DHX8: variants seen among roughly 807,000 people sequenced by gnomAD.
DHX8 encodes DEAH-box helicase 8.
Under a neutral mutation model 140.7 loss-of-function variants are expected in DHX8, and 67 were observed. The observed-to-expected ratio is 0.48, with a 90% CI of 0.39 to 0.58. The LOEUF (loss-of-function observed/expected upper bound fraction) is 0.58. Ranked by LOEUF, DHX8 falls within the 20% of genes least tolerant of loss-of-function variation. The pLI, the probability that DHX8 is intolerant of heterozygous loss-of-function variation, is 0.00. For missense variants in DHX8, 887 were observed against 1,550.7 expected (o/e 0.57, Z 7.19); for synonymous variants, 533 against 553.2 (o/e 0.96, Z 0.51).
At position 43,533,752 on chromosome 17, in the gene DHX8, T is replaced by G. The variant is rs918854079; in HGVS notation, c.351-2660T>G. On this transcript the variant is annotated intron_variant, in intron 2 of 3. Transcript: ENST00000589898. Reference sequence around the variant, plus strand: ...CTTACAAGTGCTAGAAAATCCTTTCTGTTGTCTAACTTGCATCTCAGCTGC... The same window carrying G: ...CTTACAAGTGCTAGAAAATCCTTTCGGTTGTCTAACTTGCATCTCAGCTGC... 29 of 1,416,280 alleles carry G rather than the reference T, an allele frequency of 2.0e-5. No homozygotes were observed. In the East Asian group the frequency reaches 7.1e-4, roughly 35 times the overall value. The allele number at this position is 1,416,280 out of a possible 1,614,324, so 87.7% of individuals were successfully genotyped here.
At chr17:43,484,862 C>T (rs985429628) in intron 1 of DHX8, among the ~76,000 whole-genome samples, 7 of 152,124 alleles carry the variant, frequency 4.6e-5, no homozygotes, top group African/African-American at 1.7e-4. Flanking sequence ...AGGCTGGTCT[C>T]GAACTTCTGG....
downstream of DHX8, among the ~76,000 whole-genome samples, chr17:43,527,582 G>A (rs1970653802): frequency 6.6e-6 from 1 of 152,256 alleles, no homozygotes; most frequent in African/African-American, 2.4e-5. Flanking sequence ...AGTGCACAAG[G>A]GGCGCCTGTC....
intron 21 of DHX8, 27 bp downstream of exon 21, chr17:43,521,592 T>A: frequency 6.3e-7 from 1 of 1,594,460 alleles, no homozygotes; most frequent in South Asian, 1.1e-5. Flanking sequence ...TGACTCTGCA[T>A]GTTTGAGTTG....
chr17:43,494,440 CGTT>C (rs1488749064), intron 8 of DHX8, among the ~76,000 whole-genome samples: 1 of 151,968 alleles, frequency 6.6e-6, no homozygotes, highest in Non-Finnish European at 1.5e-5. Context: ...AGGTGAAAGT[CGTT>C]GGGCGTGATG....
intron 3 of DHX8, among the ~76,000 whole-genome samples, chr17:43,539,146 A>C (rs1166836092): frequency 6.6e-6 from 1 of 152,170 alleles, no homozygotes; most frequent in Non-Finnish European, 1.5e-5. Flanking sequence ...TATTTAAAGC[A>C]TGAAATCCAA....
Position 43,525,168 on chromosome 17 carries a change from G to A in DHX8, c.*1321G>A, listed in dbSNP as rs113470769. ...AGGTTTCGGAACTTACGGAAAGCTG[G>A]TCTGGATGTAGTGCTTGTAGAGAAG... On this transcript the variant is annotated 3_prime_UTR_variant, in exon 23 of 23. Transcript: ENST00000262415. 6.7e-5 allele frequency: 66 copies of A among 985,444 alleles called. 1 individual carries two copies. In the African/African-American group the frequency reaches 9.6e-4, roughly 14 times the overall value. 61.0% of individuals were successfully genotyped at this position (985,444 alleles called of 1,614,324 possible).
At chr17:43,517,466 G>A (rs940687080) in intron 18 of DHX8, 144 bp downstream of exon 18, 2 of 927,420 alleles carry the variant, frequency 2.2e-6, no homozygotes, top group Non-Finnish European at 1.6e-6. Context: ...AAATGGCTGT[G>A]ATAACAGCCT....
intron 9 of DHX8, among the ~76,000 whole-genome samples, chr17:43,496,957 G>T (rs1429965445): frequency 6.6e-6 from 1 of 152,076 alleles, no homozygotes; most frequent in Non-Finnish European, 1.5e-5. Flanking sequence ...GAAATCTTAT[G>T]ATAGAATTCT....
At chr17:43,502,964 C>A (rs1327582447) in intron 11 of DHX8, among the ~76,000 whole-genome samples, 1 of 152,118 alleles carries the variant, frequency 6.6e-6, no homozygotes, top group Non-Finnish European at 1.5e-5. Flanking sequence ...TCGTAGCCAG[C>A]TTTTGGCATC....
At chr17:43,538,413 C>T (rs1971353716) in intron 3 of DHX8, among the ~76,000 whole-genome samples, 1 of 152,188 alleles carries the variant, frequency 6.6e-6, no homozygotes, top group Non-Finnish European at 1.5e-5. Context: ...ACATAGGTGC[C>T]TCATCCCCTT....
chr17:43,497,343 C>G (rs1968924024), intron 9 of DHX8, among the ~76,000 whole-genome samples: 1 of 151,970 alleles, frequency 6.6e-6, no homozygotes, highest in African/African-American at 2.4e-5. Flanking sequence ...TTTTGATGGA[C>G]ATATGAGTTG....
At chr17:43,518,856 C>G (rs1970241733) in intron 18 of DHX8, 1 of 152,122 alleles carries the variant, frequency 6.6e-6, no homozygotes, top group Non-Finnish European at 1.5e-5. Flanking sequence ...ATACAATATT[C>G]TTTTGTATCT....
intron 1 of DHX8, 75 bp from the exon 2 acceptor site, chr17:43,489,374 T>C (rs572917008): frequency 2.1e-5 from 22 of 1,023,870 alleles, no homozygotes; most frequent in Admixed American, 2.0e-4. Context: ...ACCTAATTAG[T>C]TTTGTTTTCA....
At chr17:43,489,424 T>G (rs200409699) in intron 1 of DHX8, 25 bp from the exon 2 acceptor site, 1 of 1,506,460 alleles carries the variant, frequency 6.6e-7, no homozygotes, top group East Asian at 2.3e-5. Context: ...TCTCTTCTTT[T>G]CTGAATTCTG....
At chr17:43,498,082 G>A (rs1289532332) in intron 9 of DHX8, among the ~76,000 whole-genome samples, 1 of 151,864 alleles carries the variant, frequency 6.6e-6, no homozygotes, top group Non-Finnish European at 1.5e-5. Flanking sequence ...TGGTGATGGG[G>A]GAATAGTCAC....
chr17:43,541,238 C>T (rs1214040522), intron 3 of DHX8, among the ~76,000 whole-genome samples: 6 of 152,216 alleles, frequency 3.9e-5, no homozygotes, highest in Non-Finnish European at 8.8e-5. Flanking sequence ...CAGAGACTGT[C>T]AACAGGATAG....
At chr17:43,520,669 C>G in intron 19 of DHX8, 82 bp from the exon 20 acceptor site, 1 of 1,558,552 alleles carries the variant, frequency 6.4e-7, no homozygotes, top group African/African-American at 1.4e-5. Context: ...TGTTGTTACC[C>G]ACTCTGACCA....
At chr17:43,540,307 G>C (rs1180465582) in intron 3 of DHX8, among the ~76,000 whole-genome samples, 1 of 152,132 alleles carries the variant, frequency 6.6e-6, no homozygotes, top group African/African-American at 2.4e-5. Context: ...ACAAAAATTA[G>C]CCAGGCATGG....
At chr17:43,488,954 T>C (rs867675597) in intron 1 of DHX8, among the ~76,000 whole-genome samples, 1 of 152,192 alleles carries the variant, frequency 6.6e-6, no homozygotes, top group African/African-American at 2.4e-5. Context: ...CTCTAGAATA[T>C]GTGTGGATAA....
Sources: allele counts gnomAD v4.1 joint callset (sites outside exome capture counted in the v4.1 genomes callset), GRCh38; gene constraint gnomAD v4.1.1; transcripts MANE v1.5; gene names NCBI Gene and HGNC (gene_info 2026-07-23, HGNC 2026-07-21).